BORCS5: variants seen among roughly 807,000 people sequenced by gnomAD.
The protein encoded by BORCS5 is BLOC-1 related complex subunit 5.
In BORCS5, 17 loss-of-function variants were observed where a neutral mutation model predicts 22.1. The observed-to-expected ratio is 0.77, with a 90% CI of 0.53 to 1.15. BORCS5 has a LOEUF of 1.15. BORCS5 is among the 50% of genes most tolerant of loss of function. BORCS5 has a pLI of 0.00. For missense variants in BORCS5, 247 were observed against 253.2 expected, an observed-to-expected ratio of 0.98 and a Z score of 0.17; for synonymous variants, 117 against 99.8, an observed-to-expected ratio of 1.17 and a Z score of -1.03.
At chr12:12,360,806 C>T (rs996098999) in intron 1 of BORCS5, among the ~76,000 whole-genome samples, 2 of 151,840 alleles carry the variant, frequency 1.3e-5, no homozygotes, top group Non-Finnish European at 2.9e-5. Context: ...CCGCAACCTC[C>T]GCCTCTCGGG....
At position 12,408,593 on chromosome 12, in the gene BORCS5, A is replaced by C. The variant is rs142342071; in HGVS notation, c.203-27035A>C. Among the ~76,000 whole-genome samples the C allele has an allele frequency of 2.5e-4, 38 of 152,250 alleles. No individual in the cohort carries two copies. In the East Asian group the frequency reaches 7.3e-3, roughly 29 times the overall value. On this transcript the variant is annotated intron_variant, in intron 2 of 3. Coordinates refer to ENST00000314565, the MANE Select transcript of BORCS5 (RefSeq NM_058169.6). Reference sequence around the variant, plus strand: ...TCCCAGCCCTGGTAACCACTGTTCTACTTTCTTTCTCTATGATTTTGACTT... The same window carrying C: ...TCCCAGCCCTGGTAACCACTGTTCTCCTTTCTTTCTCTATGATTTTGACTT...
At chr12:12,362,049 T>C (rs1863298045) in intron 2 of BORCS5, among the ~76,000 whole-genome samples, 1 of 152,172 alleles carries the variant, frequency 6.6e-6, no homozygotes, top group Non-Finnish European at 1.5e-5. Flanking sequence ...CACCAAAGAT[T>C]AGGAAATAAT....
chr12:12,361,362 G>T lies in BORCS5; in HGVS notation c.202+13G>T. 6.2e-7 allele frequency: 1 copy of T among 1,611,066 alleles called. No individual in the cohort carries two copies. Among genetic ancestry groups the T allele is most frequent in the Non-Finnish European group, 8.5e-7 (1 of 1,177,390 alleles). On this transcript the variant is annotated intron_variant, in intron 2 of 3. Transcript: ENST00000314565. ...CCCCTTTTGAAAGGTAAAGGATTGC[G>T]TTTTGTTTTATCTGAACTTGCTGGA...
chr12:12,462,479 A>C (rs1212770295), intron 3 of BORCS5, among the ~76,000 whole-genome samples: 1 of 152,166 alleles, frequency 6.6e-6, no homozygotes, highest in Admixed American at 6.5e-5. Context: ...GGTAGCCCTT[A>C]AACCTAGGTG....
intron 2 of BORCS5, among the ~76,000 whole-genome samples, chr12:12,404,339 C>T (rs1941546159): frequency 6.6e-6 from 1 of 152,154 alleles, no homozygotes; most frequent in Non-Finnish European, 1.5e-5. Flanking sequence ...ATTTATTTCT[C>T]ACTGTTCTGG....
At chr12:12,420,129 G>C (rs1454169634) in intron 2 of BORCS5, among the ~76,000 whole-genome samples, 2 of 148,700 alleles carry the variant, frequency 1.3e-5, no homozygotes, top group Non-Finnish European at 3.0e-5. Flanking sequence ...CCATGCCTAT[G>C]TCCTGAATGG....
intron 3 of BORCS5, among the ~76,000 whole-genome samples, chr12:12,440,527 T>C (rs994526182): frequency 2.0e-5 from 3 of 152,126 alleles, no homozygotes; most frequent in African/African-American, 7.2e-5. Flanking sequence ...GAATGCTCAT[T>C]TGTTATTTAT....
At position 12,436,579 on chromosome 12, in the gene BORCS5, C is replaced by T. The variant is rs139117071; in HGVS notation, c.360+794C>T. ...TGTTAGGAGCTGTTTACTGGAGAAA[C>T]CACTTCTGTGAATGGCACTCCCAGA... is the stretch of plus-strand genomic sequence containing the variant. On this transcript the variant is annotated intron_variant, in intron 3 of 3. Transcript: ENST00000314565. Among the ~76,000 whole-genome samples, 404 of 152,298 alleles carry T rather than the reference C, an allele frequency of 2.7e-3. 2 individuals are homozygous for T. Among genetic ancestry groups the T allele is most frequent in the African/African-American group, 9.1e-3 (379 of 41,560 alleles).
At chr12:12,399,392 T>C (rs1054453161) in intron 2 of BORCS5, among the ~76,000 whole-genome samples, 2 of 152,058 alleles carry the variant, frequency 1.3e-5, no homozygotes, top group African/African-American at 4.8e-5. Flanking sequence ...GCTCTTTGGG[T>C]GGTTGCTCTG....
In BORCS5 at chr12:12,359,362, CTCTT is replaced by C. The variant is rs1167394972; in HGVS notation, c.59-1842_59-1839del. On this transcript the variant is annotated intron_variant, in intron 1 of 3. Transcript: ENST00000314565. Reference sequence around the variant, plus strand: ...GCCTGGGCGATGTAGTGAGACTTGACTCTTTTTTTTTTTTTTTTTTTGAGACAGT... The same window carrying C: ...GCCTGGGCGATGTAGTGAGACTTGACTTTTTTTTTTTTTTTTTGAGACAGT... Among the ~76,000 whole-genome samples, 72 of 130,384 alleles carry C rather than the reference CTCTT, an allele frequency of 5.5e-4. No homozygotes were observed. The South Asian group carries it at 0.011, about 21-fold the overall frequency. 85.5% of individuals were successfully genotyped at this position (130,384 alleles called of 152,430 possible). A position where few individuals can be genotyped will look rare whatever the true frequency, so the allele number is the denominator to read the frequency against.
chr12:12,371,748 G>A (rs187798095), intron 2 of BORCS5, among the ~76,000 whole-genome samples: 3 of 152,206 alleles, frequency 2.0e-5, no homozygotes, highest in African/African-American at 7.2e-5. Context: ...ACGCCAATTC[G>A]ATGTTAGACC....
chr12:12,366,537 C>T (rs1029203286), intron 2 of BORCS5, among the ~76,000 whole-genome samples: 4 of 152,076 alleles, frequency 2.6e-5, no homozygotes, highest in African/African-American at 4.8e-5. Context: ...ACATGTAAAG[C>T]ATTTTATAGG....
rs151232298 is a variant in BORCS5 at position 12,449,781 on chromosome 12, C to T, written c.360+13996C>T. Among the ~76,000 whole-genome samples, 72 of 152,288 alleles carry T rather than the reference C, an allele frequency of 4.7e-4. 1 individual carries two copies. In the East Asian group the frequency reaches 0.014, roughly 29 times the overall value. ...AATTAATGAAAACATTGGCGACAGT[C>T]GGCCTCATTGTTTGTCATTGTGCAA... is the stretch of plus-strand genomic sequence containing the variant. On this transcript the variant is annotated intron_variant, in intron 3 of 3. Coordinates refer to ENST00000314565, the MANE Select transcript of BORCS5 (RefSeq NM_058169.6).
chr12:12,360,491 A>G (rs1330122695), intron 1 of BORCS5, among the ~76,000 whole-genome samples: 1 of 151,816 alleles, frequency 6.6e-6, no homozygotes, highest in Non-Finnish European at 1.5e-5. Context: ...TCCTGGGCTC[A>G]AGTGATCCTC....
At chr12:12,449,524 C>T (rs566081335) in intron 3 of BORCS5, among the ~76,000 whole-genome samples, 4 of 152,276 alleles carry the variant, frequency 2.6e-5, no homozygotes, top group Admixed American at 6.5e-5. Context: ...CCCACCTAGA[C>T]GTGATGCCAA....
At chr12:12,410,212 C>T (rs1331939246) in intron 2 of BORCS5, among the ~76,000 whole-genome samples, 5 of 152,200 alleles carry the variant, frequency 3.3e-5, no homozygotes, top group Admixed American at 2.6e-4. Flanking sequence ...TTTTGCTGTG[C>T]AGAAGCTCTT....
At chr12:12,383,040 A>G (rs1360770747) in intron 2 of BORCS5, among the ~76,000 whole-genome samples, 2 of 151,090 alleles carry the variant, frequency 1.3e-5, no homozygotes, top group Non-Finnish European at 3.0e-5. Flanking sequence ...TTTTCTATAC[A>G]TTCTTGTCTA....
chr12:12,448,638 C>T (rs1464064518), intron 3 of BORCS5, among the ~76,000 whole-genome samples: 1 of 151,848 alleles, frequency 6.6e-6, no homozygotes, highest in Non-Finnish European at 1.5e-5. Flanking sequence ...AAGCGATTCT[C>T]CTGCCTCAGC....
intron 3 of BORCS5, among the ~76,000 whole-genome samples, chr12:12,449,198 CAG>C (rs1304793107): frequency 1.3e-5 from 2 of 152,090 alleles, no homozygotes; most frequent in African/African-American, 4.8e-5. Flanking sequence ...GGAGGGGTTG[CAG>C]AGAGGGAGCC....
Sources: allele counts gnomAD v4.1 joint callset (sites outside exome capture counted in the v4.1 genomes callset), GRCh38; gene constraint gnomAD v4.1.1; transcripts MANE v1.5; gene names NCBI Gene and HGNC (gene_info 2026-07-23, HGNC 2026-07-21).